The following ZNF77 variants were observed in gnomAD, a reference collection of about 807,000 sequenced individuals.
ZNF77 encodes the protein zinc finger protein 77.
In ZNF77, 15 loss-of-function variants were observed where a neutral mutation model predicts 13.5. The ratio of observed to expected loss-of-function variants is 1.11; its 90% CI spans 0.74 to 1.71. The LOEUF (loss-of-function observed/expected upper bound fraction) is 1.71, where lower values mean the gene tolerates loss of function less well. ZNF77 is among the 40% of genes most tolerant of loss of function. The pLI is 0.00. For synonymous variants in ZNF77, 282 were observed against 250.0 expected, an observed-to-expected ratio of 1.13 and a Z score of -1.21; for missense variants, 717 against 676.4, an observed-to-expected ratio of 1.06 and a Z score of -0.67.
At chr19:2,934,877 G>C (rs2088382380) in intron 3 of ZNF77, 62 bp from the exon 4 acceptor site, 3 of 1,511,014 alleles carry the variant, frequency 2.0e-6, no homozygotes, top group Non-Finnish European at 2.7e-6. Flanking sequence ...ATTTATTAAT[G>C]GTTTTTAGTG....
At chr19:2,943,478 CAGTA>C (rs749312842) in intron 1 of ZNF77, among the ~76,000 whole-genome samples, 45 of 152,090 alleles carry the variant, frequency 3.0e-4, no homozygotes, top group Admixed American at 5.9e-4. Flanking sequence ...TCTGAGCAAG[CAGTA>C]AGTGTGGAGT....
intron 3 of ZNF77, among the ~76,000 whole-genome samples, chr19:2,935,609 G>T (rs1327886719): frequency 6.6e-6 from 1 of 152,100 alleles, no homozygotes; most frequent in Non-Finnish European, 1.5e-5. Context: ...GGGATTACAG[G>T]CGTGAGCCAC....
Position 2,940,616 on chromosome 19 carries a change from T to G in ZNF77, c.4-1209A>C, listed in dbSNP as rs1240687281. 6.9e-5 allele frequency among the ~76,000 whole-genome samples: 10 copies of G among 145,036 alleles called. No individual in the cohort carries two copies. The East Asian group carries it at 2.0e-3, about 29-fold the overall frequency. On this transcript the variant is annotated intron_variant, in intron 1 of 3. Coordinates refer to ENST00000314531, the MANE Select transcript of ZNF77 (RefSeq NM_021217.3). The stretch of plus-strand genomic sequence containing the variant: ...TGAACCCAGGAGGCAGAGGTTGCAG[T>G]GAGCCGAGATGGCGCCATTGCACTC...
At position 2,942,158 on chromosome 19, in the gene ZNF77, G is replaced by A. The variant is rs149853950; in HGVS notation, c.3+2680C>T. Among the ~76,000 whole-genome samples the A allele has an allele frequency of 7.3e-3, 1,098 of 149,598 alleles. 9 individuals carry two copies. Among genetic ancestry groups the A allele is most frequent in the Middle Eastern group, 0.014 (4 of 288 alleles). ...ACAATCTCAGCTCGCTGCAACCTCC[G>A]CCTCCCCGGTTCAAGCGATTCTCCT... is the stretch of plus-strand genomic sequence containing the variant. On this transcript the variant is annotated intron_variant, in intron 1 of 3. Transcript: ENST00000314531.
chr19:2,935,611 G>A (rs150792671), intron 3 of ZNF77, among the ~76,000 whole-genome samples: 199 of 152,108 alleles, frequency 1.3e-3, no homozygotes, highest in African/African-American at 4.0e-3. Flanking sequence ...GATTACAGGC[G>A]TGAGCCACTG....
intron 1 of ZNF77, among the ~76,000 whole-genome samples, chr19:2,943,224 C>A (rs2088465753): frequency 6.6e-6 from 1 of 151,384 alleles, no homozygotes; most frequent in African/African-American, 2.4e-5. Flanking sequence ...CACCCCACTG[C>A]AATAGAACCT....
Position 2,934,158 on chromosome 19 carries a change from G to A in ZNF77, c.969C>T (p.Pro323=). Residue 323 remains proline, a synonymous_variant, in exon 4 of 4, where the codon CCC becomes CCT. Transcript: ENST00000314531. The part of the protein sequence containing the change: ...DHVRTHTGEK[P]CQCKHCGKAF... Reference sequence around the variant, plus strand: ...CTTTTCCGCAATGTTTACACTGACAGGGTTTCTCTCCAGTGTGCGTCCTCA... The same window carrying A: ...CTTTTCCGCAATGTTTACACTGACAAGGTTTCTCTCCAGTGTGCGTCCTCA... 1.2e-6 allele frequency: 2 copies of A among 1,613,814 alleles called. No homozygotes were observed. Among genetic ancestry groups the A allele is most frequent in the African/African-American group, 2.7e-5 (2 of 74,962 alleles).
At chr19:2,937,517 C>T (rs948343710) in intron 2 of ZNF77, among the ~76,000 whole-genome samples, 3 of 150,984 alleles carry the variant, frequency 2.0e-5, no homozygotes, top group Admixed American at 6.6e-5. Context: ...AAGAGATAAA[C>T]GTGGCAACCC....
At chr19:2,941,461 A>T (rs1183279976) in intron 1 of ZNF77, among the ~76,000 whole-genome samples, 1 of 152,044 alleles carries the variant, frequency 6.6e-6, no homozygotes, top group African/African-American at 2.4e-5. Context: ...TGGGTGACAG[A>T]GTGAGACTGT....
intron 3 of ZNF77, among the ~76,000 whole-genome samples, chr19:2,935,610 C>T (rs1024838364): frequency 1.3e-5 from 2 of 151,700 alleles, no homozygotes; most frequent in African/African-American, 2.4e-5. Flanking sequence ...GGATTACAGG[C>T]GTGAGCCACT....
At chr19:2,944,530 C>T (rs1358874446) in intron 1 of ZNF77, among the ~76,000 whole-genome samples, 3 of 151,266 alleles carry the variant, frequency 2.0e-5, no homozygotes, top group African/African-American at 7.3e-5. Flanking sequence ...CCCCTTAAAC[C>T]TCTACTGTCC....
At chr19:2,939,749 A>C in intron 1 of ZNF77, 1 of 294,884 alleles carries the variant, frequency 3.4e-6, no homozygotes, top group Non-Finnish European at 6.5e-6. Flanking sequence ...AGGTGCGAGG[A>C]TTGCTTAGGG....
intron 1 of ZNF77, among the ~76,000 whole-genome samples, chr19:2,943,088 A>G (rs530397756): frequency 2.0e-5 from 3 of 151,616 alleles, no homozygotes; most frequent in East Asian, 1.9e-4. Context: ...GGCCTAGCCA[A>G]CTCTTCAGAT....
At position 2,934,118 on chromosome 19, in the gene ZNF77, A is replaced by C. The variant is rs1239337026; in HGVS notation, c.1009T>G (p.Ser337Ala). 1 of 1,613,742 alleles carries C rather than the reference A, an allele frequency of 6.2e-7. No individual in the cohort carries two copies. The change falls in exon 4 of 4, where the codon TCG becomes GCG. Residue 337 changes from serine to alanine, a missense_variant. Transcript: ENST00000314531. ...GTTCTCCCATGTTCTCGAAGAGACGAGTAACAAGTGAACGCTTTTCCGCAA... is the reference window on the plus strand; with the variant it reads ...GTTCTCCCATGTTCTCGAAGAGACGCGTAACAAGTGAACGCTTTTCCGCAA... ...KHCGKAFTCY[S>A]SLREHGRTHS...
chr19:2,937,601 T>C (rs1479147142), intron 2 of ZNF77, among the ~76,000 whole-genome samples: 1 of 151,932 alleles, frequency 6.6e-6, no homozygotes, highest in African/African-American at 2.4e-5. Flanking sequence ...AAAAGCAAAG[T>C]TTGCACATGC....
rs1568191458 is a variant in ZNF77 at position 2,934,254 on chromosome 19, AGT to A, written c.871_872del (p.Thr291TrpfsTer6). 1 of 1,613,406 alleles carries A rather than the reference AGT, an allele frequency of 6.2e-7. No individual in the cohort carries two copies. On this transcript the variant is annotated frameshift_variant, in exon 4 of 4. Transcript: ENST00000314531. LOFTEE classifies it low-confidence loss of function (END_TRUNC). ...GCTTACATTCATACGGTTTCTCTCC[AGT>A]GTGTGTTCTGACATGTTCTCGAAAG... Reference protein sequence around the residue: ...SYFREHVRTHTGEKPYECKHC... With the variant: ...SYFREHVRTHXGEKPYECKHC...
intron 1 of ZNF77, chr19:2,939,789 T>G (rs970807689): frequency 2.2e-5 from 5 of 228,902 alleles, no homozygotes; most frequent in Non-Finnish European, 4.3e-5. Context: ...CTGGGCTGCA[T>G]AGTGAGATCC....
In ZNF77 at chr19:2,933,557, G is replaced by A. The variant is rs2144955961; in HGVS notation, c.1570C>T (p.Gln524Ter). ...AGATACCTGAAGGTTTTCCCACACTGCTTGCATTCATACGGTCTCTCTCCA... is the reference window on the plus strand; with the variant it reads ...AGATACCTGAAGGTTTTCCCACACTACTTGCATTCATACGGTCTCTCTCCA... ...HTGERPYECK[Q>*]CGKTFRYLAS... Residue 524 changes from glutamine to a stop codon, truncating the protein, a stop_gained, in exon 4 of 4, where the codon CAG becomes TAG. Coordinates refer to ENST00000314531, the MANE Select transcript of ZNF77 (RefSeq NM_021217.3). LOFTEE classifies it low-confidence loss of function (END_TRUNC). The A allele has an allele frequency of 2.5e-6, 4 of 1,611,540 alleles. No individual in the cohort carries two copies. The highest frequency in any genetic ancestry group is 3.4e-6 in the Non-Finnish European group (4 of 1,178,092).
chr19:2,944,801 G>T, intron 1 of ZNF77, 37 bp downstream of exon 1: 1 of 1,504,688 alleles, frequency 6.6e-7, no homozygotes, highest in Non-Finnish European at 8.8e-7. Context: ...GCCCCACCTC[G>T]CCCTGGGCCC....
Sources: allele counts gnomAD v4.1 joint callset (sites outside exome capture counted in the v4.1 genomes callset), GRCh38; gene constraint gnomAD v4.1.1; transcripts MANE v1.5; gene names NCBI Gene and HGNC (gene_info 2026-07-23, HGNC 2026-07-21).